Variants in AOAH observed in about 807,000 individuals in gnomAD.
AOAH encodes acyloxyacyl hydrolase (neutrophil).
Under a neutral mutation model 92.2 loss-of-function variants are expected in AOAH, and 64 were observed. That is an observed-to-expected ratio of 0.69 (90% CI 0.57 to 0.86). The LOEUF (loss-of-function observed/expected upper bound fraction) is 0.86, where lower values mean the gene tolerates loss of function less well. Ranked by LOEUF, AOAH falls within the 40% of genes least tolerant of loss-of-function variation. The pLI, the probability that AOAH is intolerant of heterozygous loss-of-function variation, is 0.00. For synonymous variants in AOAH, 263 were observed against 254.5 expected, an observed-to-expected ratio of 1.03 and a Z score of -0.32; for missense variants, 656 against 694.6, an observed-to-expected ratio of 0.94 and a Z score of 0.62.
At chr7:36,616,283 T>G in intron 11 of AOAH, 97 bp downstream of exon 11, 1 of 950,900 alleles carries the variant, frequency 1.1e-6, no homozygotes, top group Non-Finnish European at 1.7e-6. Context: ...GAGGGAAATT[T>G]GCACCTGTGT....
At chr7:36,570,631 G>T (rs912062966) in intron 13 of AOAH, among the ~76,000 whole-genome samples, 6 of 152,186 alleles carry the variant, frequency 3.9e-5, no homozygotes, top group African/African-American at 1.4e-4. Flanking sequence ...GTGCACAAAG[G>T]TTCCAGTTTC....
chr7:36,627,537 A>G (rs1792757858), intron 6 of AOAH, among the ~76,000 whole-genome samples: 1 of 146,056 alleles, frequency 6.8e-6, no homozygotes, highest in Admixed American at 6.8e-5. Context: ...TTAGACATGG[A>G]AAGCACTCAA....
chr7:36,575,200 C>T (rs1490356099), intron 13 of AOAH, among the ~76,000 whole-genome samples: 1 of 152,166 alleles, frequency 6.6e-6, no homozygotes, highest in Non-Finnish European at 1.5e-5. Context: ...TGATAGTGTT[C>T]AACTTGCAGA....
At chr7:36,630,109 G>A (rs1028449205) in intron 6 of AOAH, among the ~76,000 whole-genome samples, 1 of 152,202 alleles carries the variant, frequency 6.6e-6, no homozygotes, top group Non-Finnish European at 1.5e-5. Flanking sequence ...GGCCACCATT[G>A]GAAGCTAGGG....
chr7:36,633,260 T>C (rs984959362), intron 5 of AOAH, among the ~76,000 whole-genome samples: 11 of 152,188 alleles, frequency 7.2e-5, no homozygotes, highest in African/African-American at 1.2e-4. Flanking sequence ...TTGAAAACCC[T>C]GGGGTGGGTC....
At chr7:36,671,534 G>C (rs1196376618) in intron 3 of AOAH, among the ~76,000 whole-genome samples, 1 of 152,170 alleles carries the variant, frequency 6.6e-6, no homozygotes, top group Non-Finnish European at 1.5e-5. Flanking sequence ...CTTGCACAGG[G>C]TATTAGGAAA....
chr7:36,573,210 G>T, intron 13 of AOAH, among the ~76,000 whole-genome samples: 1 of 152,168 alleles, frequency 6.6e-6, no homozygotes, highest in Non-Finnish European at 1.5e-5. Context: ...GACCAGAGGA[G>T]CCAGCCAGCT....
chr7:36,686,593 ATCAGATTCT>A, intron 2 of AOAH, 97 bp downstream of exon 2: 1 of 561,432 alleles, frequency 1.8e-6, no homozygotes, highest in East Asian at 3.3e-5. Context: ...AAATAGCATA[ATCAGATTCT>A]TCTCTGTAAG....
At chr7:36,666,361 CTTT>C (rs962066204) in intron 3 of AOAH, among the ~76,000 whole-genome samples, 1 of 151,914 alleles carries the variant, frequency 6.6e-6, no homozygotes, top group African/African-American at 2.4e-5. Context: ...TCTTGATTAT[CTTT>C]TTAATATCTG....
chr7:36,661,869 G>A (rs1232784425), intron 3 of AOAH, among the ~76,000 whole-genome samples: 1 of 152,120 alleles, frequency 6.6e-6, no homozygotes, highest in Non-Finnish European at 1.5e-5. Flanking sequence ...TCCACCAAAG[G>A]AATTTTACAC....
intron 1 of AOAH, among the ~76,000 whole-genome samples, chr7:36,707,526 G>A (rs1798499533): frequency 1.3e-5 from 2 of 152,074 alleles, no homozygotes; most frequent in African/African-American, 4.8e-5. Flanking sequence ...TTTGGCATAG[G>A]GTTGCCATAA....
chr7:36,685,003 G>A (rs536986197), intron 2 of AOAH, among the ~76,000 whole-genome samples: 37 of 149,978 alleles, frequency 2.5e-4, no homozygotes, highest in Non-Finnish European at 5.2e-4. Context: ...CACCTATGGC[G>A]GCCTCCTGAT....
intron 1 of AOAH, among the ~76,000 whole-genome samples, chr7:36,690,563 G>C (rs1044516021): frequency 6.6e-6 from 1 of 152,196 alleles, no homozygotes; most frequent in African/African-American, 2.4e-5. Context: ...TTTTTCCTGG[G>C]AGAGATGCAC....
At chr7:36,625,160 C>T (rs1792559880) in intron 6 of AOAH, among the ~76,000 whole-genome samples, 1 of 152,064 alleles carries the variant, frequency 6.6e-6, no homozygotes, top group South Asian at 2.1e-4. Flanking sequence ...CATTCCTGCC[C>T]TGGGGGACAG....
chr7:36,722,423 C>A (rs1165965975), intron 1 of AOAH, among the ~76,000 whole-genome samples: 1 of 152,098 alleles, frequency 6.6e-6, no homozygotes, highest in Non-Finnish European at 1.5e-5. Context: ...GCAATGAGCC[C>A]AGAAGTAAAA....
At chr7:36,683,233 G>A (rs1329719472) in intron 2 of AOAH, among the ~76,000 whole-genome samples, 2 of 152,164 alleles carry the variant, frequency 1.3e-5, no homozygotes, top group East Asian at 1.9e-4. Flanking sequence ...TATAAAGGGC[G>A]CAGACAGCCT....
intron 11 of AOAH, among the ~76,000 whole-genome samples, chr7:36,595,681 C>T (rs1365962285): frequency 6.6e-6 from 1 of 152,146 alleles, no homozygotes; most frequent in Non-Finnish European, 1.5e-5. Flanking sequence ...GTTATTTATC[C>T]TAAGCTCAAA....
At chr7:36,691,447 C>G (rs1457885711) in intron 1 of AOAH, among the ~76,000 whole-genome samples, 2 of 152,166 alleles carry the variant, frequency 1.3e-5, no homozygotes, top group Non-Finnish European at 2.9e-5. Context: ...CTCATTGCAC[C>G]TTACCCTTTC....
At chr7:36,610,143 G>A (rs1418949436) in intron 11 of AOAH, among the ~76,000 whole-genome samples, 15 of 68,582 alleles carry the variant, frequency 2.2e-4, no homozygotes, top group Admixed American at 1.3e-3. Flanking sequence ...TTTTTAAGGA[G>A]AATGCTCCAT....
Sources: allele counts gnomAD v4.1 joint callset (sites outside exome capture counted in the v4.1 genomes callset), GRCh38; gene constraint gnomAD v4.1.1; transcripts MANE v1.5; gene names NCBI Gene and HGNC (gene_info 2026-07-23, HGNC 2026-07-21).